Variants in PGAP1 observed in about 807,000 individuals in gnomAD.
PGAP1 encodes the protein GPI inositol-deacylase.
In PGAP1, 76 loss-of-function variants were observed where a neutral mutation model predicts 127.0. The ratio of observed to expected loss-of-function variants is 0.60; its 90% CI spans 0.50 to 0.72. PGAP1 has a LOEUF of 0.72. Among genes scored for constraint, PGAP1 ranks in the 30% least tolerant of loss-of-function variants. The probability of loss-of-function intolerance (pLI) is 0.00; values close to 1 mark genes in which losing one functional copy is unlikely to be tolerated. For synonymous variants in PGAP1, 362 were observed against 366.5 expected, an observed-to-expected ratio of 0.99 and a Z score of 0.14; for missense variants, 982 against 1,071.3, an observed-to-expected ratio of 0.92 and a Z score of 1.16.
rs1700171591 is a variant in PGAP1, at chr2:196,834,100, C to T, written c.*7134G>A. On this transcript the variant is annotated 3_prime_UTR_variant, in exon 27 of 27. Transcript: ENST00000354764. ...CAAGTCAAAGAATTCATGTCTTTGA[C>T]AGATTACTCATTAATAAGACAAAAA... The T allele has an allele frequency of 6.6e-6, 1 of 151,920 alleles. No individual in the cohort carries two copies. The highest frequency in any genetic ancestry group is 6.6e-5 in the Admixed American group (1 of 15,250). 9.4% of individuals were successfully genotyped at this position (151,920 alleles called of 1,614,324 possible). A position where few individuals can be genotyped will look rare whatever the true frequency, so the allele number is the denominator to read the frequency against.
chr2:196,902,692 T>C lies in PGAP1; in HGVS notation c.700A>G (p.Asn234Asp). 6.2e-7 allele frequency: 1 copy of C among 1,612,884 alleles called. No homozygotes were observed. Among genetic ancestry groups the C allele is most frequent in the Non-Finnish European group, 8.5e-7 (1 of 1,178,914 alleles). ...CCAGCTACAGAAAGTGTGGTTAAAT[T>C]TATGTGTCGAGCATTTAGAATCCAA... The part of the protein sequence containing the change: ...NYWILNARHI[N>D]LTTLSVAGGF... Residue 234 changes from asparagine to aspartate, a missense_variant, in exon 5 of 27, where the codon AAT (asparagine) becomes GAT (aspartate). Physicochemically the swap from Asn to Asp is conservative, Grantham distance 23 (BLOSUM62 1). Coordinates refer to ENST00000354764, the MANE Select transcript of PGAP1 (RefSeq NM_024989.4).
chr2:196,858,188 T>G (rs1313812836), intron 20 of PGAP1, among the ~76,000 whole-genome samples: 1 of 152,018 alleles, frequency 6.6e-6, no homozygotes, highest in Non-Finnish European at 1.5e-5. Flanking sequence ...GATCACGAGG[T>G]CAGGAGATCG....
chr2:196,845,320 C>T lies in PGAP1; in HGVS notation c.2286+562G>A, dbSNP rs1700526156. Among the ~76,000 whole-genome samples the T allele has an allele frequency of 2.7e-5, 4 of 150,360 alleles. No individual in the cohort carries two copies. The South Asian group carries it at 8.4e-4, about 31-fold the overall frequency. On this transcript the variant is annotated intron_variant, in intron 23 of 26. Transcript: ENST00000354764. ...GTCAACTGTCTGTTCCTAAGAATAA[C>T]ATGGAGAGAATACACTTGTATTACC... is the stretch of plus-strand genomic sequence containing the variant.
At chr2:196,875,689 T>C (rs1701543210) in intron 14 of PGAP1, 57 bp downstream of exon 14, 5 of 918,594 alleles carry the variant, frequency 5.4e-6, no homozygotes. Flanking sequence ...TCTGCTTTAC[T>C]GCAACTCTGT....
intron 12 of PGAP1, among the ~76,000 whole-genome samples, chr2:196,882,872 AG>A (rs1701775205): frequency 1.3e-5 from 2 of 152,276 alleles, no homozygotes; most frequent in South Asian, 4.2e-4. Context: ...TGCCCTGGCC[AG>A]GTCTTCCAGT....
intron 19 of PGAP1, among the ~76,000 whole-genome samples, chr2:196,866,567 A>G (rs1408242581): frequency 6.6e-6 from 1 of 152,220 alleles, no homozygotes; most frequent in East Asian, 1.9e-4. Context: ...ATGGGCAAAG[A>G]CTTCATGACT....
intron 2 of PGAP1, among the ~76,000 whole-genome samples, chr2:196,919,557 A>T (rs1185911183): frequency 6.6e-6 from 1 of 152,160 alleles, no homozygotes; most frequent in African/African-American, 2.4e-5. Context: ...TGTTCCCCCC[A>T]GTACTTCCAA....
chr2:196,923,663 TTTC>T (rs1396194045), intron 1 of PGAP1, among the ~76,000 whole-genome samples: 1 of 151,852 alleles, frequency 6.6e-6, no homozygotes, highest in South Asian at 2.1e-4. Flanking sequence ...TCTTTTTTTC[TTTC>T]TTTTTTTTTT....
At position 196,842,804 on chromosome 2, in the gene PGAP1, A is replaced by G; in HGVS notation, c.2547T>C (p.Pro849=). 2.6e-6 allele frequency: 4 copies of G among 1,561,212 alleles called. No individual in the cohort carries two copies. Among genetic ancestry groups the G allele is most frequent in the Non-Finnish European group, 3.5e-6 (4 of 1,146,090 alleles). The part of the protein sequence containing the change: ...KNLRYYFKLN[P]DPCKPLAFIL... ...TAAATGCCAAAGGTTTACATGGATC[A>G]GGATTAAGTTTAAAATAATACCTAT... The change falls in exon 26 of 27, where the codon CCT becomes CCC. Residue 849 remains proline, a synonymous_variant. Transcript: ENST00000354764.
chr2:196,856,539 T>C (rs1700888446), intron 20 of PGAP1, among the ~76,000 whole-genome samples: 1 of 152,180 alleles, frequency 6.6e-6, no homozygotes, highest in Admixed American at 6.5e-5. Context: ...AAATGAGAAG[T>C]GCTTTATTCT....
intron 1 of PGAP1, among the ~76,000 whole-genome samples, chr2:196,923,774 C>T (rs1165577369): frequency 6.6e-6 from 1 of 152,060 alleles, no homozygotes; most frequent in Non-Finnish European, 1.5e-5. Flanking sequence ...GATTCTCCAG[C>T]CTCAGCCTCC....
chr2:196,925,706 GC>G (rs1703336204), intron 1 of PGAP1, among the ~76,000 whole-genome samples: 1 of 152,070 alleles, frequency 6.6e-6, no homozygotes, highest in African/African-American at 2.4e-5. Context: ...AACAAAAATA[GC>G]ACCATGAAAT....
chr2:196,889,816 G>A (rs553603968), intron 10 of PGAP1, among the ~76,000 whole-genome samples: 11 of 134,130 alleles, frequency 8.2e-5, no homozygotes, highest in Admixed American at 4.3e-4. Context: ...CCGAGACTGC[G>A]CCACCTCACT....
chr2:196,863,776 A>G (rs570357826), intron 20 of PGAP1, among the ~76,000 whole-genome samples: 1 of 152,146 alleles, frequency 6.6e-6, no homozygotes, highest in East Asian at 1.9e-4. Flanking sequence ...ACGGGGTTTC[A>G]CCATATTGGC....
chr2:196,873,563 T>C lies in PGAP1; in HGVS notation c.1517A>G (p.Lys506Arg). 6.2e-7 allele frequency: 1 copy of C among 1,611,314 alleles called. No individual in the cohort carries two copies. Among genetic ancestry groups the C allele is most frequent in the Admixed American group, 1.7e-5 (1 of 59,842 alleles). Residue 506 changes from lysine (K) to arginine (R), a missense_variant, in exon 16 of 27, where the codon AAA becomes AGA. Transcript: ENST00000354764. The stretch of plus-strand genomic sequence containing the variant: ...TGAGCACTTGCTTACCACGTTGATT[T>C]TAAAAGCTTGGTATATCTAATAGAG... ...LNFGQIYQAF[K>R]INVVSKCSAV... is the part of the protein sequence containing the mutation.
intron 10 of PGAP1, among the ~76,000 whole-genome samples, chr2:196,886,487 A>G (rs1701909153): frequency 6.6e-6 from 1 of 152,014 alleles, no homozygotes; most frequent in South Asian, 2.1e-4. Context: ...TCACCTAAGT[A>G]TTCCTAATTA....
chr2:196,917,761 T>C (rs1232717217), intron 2 of PGAP1, among the ~76,000 whole-genome samples: 4 of 152,188 alleles, frequency 2.6e-5, no homozygotes. Flanking sequence ...ATTTAAATTA[T>C]TTCCACCTTT....
At chr2:196,862,402 A>C (rs1701098639) in intron 20 of PGAP1, among the ~76,000 whole-genome samples, 1 of 152,136 alleles carries the variant, frequency 6.6e-6, no homozygotes, top group South Asian at 2.1e-4. Context: ...AATGGTGCCC[A>C]AAACTTCATT....
chr2:196,884,034 G>A (rs1205857845), intron 12 of PGAP1, among the ~76,000 whole-genome samples: 2 of 152,094 alleles, frequency 1.3e-5, no homozygotes, highest in South Asian at 2.1e-4. Context: ...CCTATTGTTT[G>A]ATATAGAGAC....
Sources: allele counts gnomAD v4.1 joint callset (sites outside exome capture counted in the v4.1 genomes callset), GRCh38; gene constraint gnomAD v4.1.1; transcripts MANE v1.5; gene names NCBI Gene and HGNC (gene_info 2026-07-23, HGNC 2026-07-21).